PARP9: variants seen among roughly 807,000 people sequenced by gnomAD.
PARP9 encodes the protein poly(ADP-ribose) polymerase family member 9.
In PARP9, 48 loss-of-function variants were observed where a neutral mutation model predicts 68.8. The ratio of observed to expected loss-of-function variants is 0.70; its 90% confidence interval spans 0.55 to 0.89. The LOEUF (loss-of-function observed/expected upper bound fraction) is 0.89. PARP9 is among the 40% of genes least tolerant of loss of function. The pLI, the probability that PARP9 is intolerant of heterozygous loss-of-function variation, is 0.00. For missense variants in PARP9, 806 were observed against 969.3 expected, an observed-to-expected ratio of 0.83 and a Z score of 2.24; for synonymous variants, 309 against 333.8, an observed-to-expected ratio of 0.93 and a Z score of 0.81.
At chr3:122,557,306 C>T (rs1188807249) in intron 3 of PARP9, among the ~76,000 whole-genome samples, 1 of 117,758 alleles carries the variant, frequency 8.5e-6, no homozygotes, top group African/African-American at 2.8e-5. Flanking sequence ...GTAGGGGAGA[C>T]ATTGGACCAG....
chr3:122,529,604 A>T lies in PARP9; in HGVS notation c.2081-861T>A, dbSNP rs554327265. The stretch of plus-strand genomic sequence containing the variant: ...TCTCTACTAAAAAAAATACAAAAAA[A>T]TTAGCCGGGCGCAGTTGGGGGCGCC... On this transcript the variant is annotated intron_variant, in intron 10 of 10. Coordinates refer to ENST00000682323, the MANE Select transcript of PARP9 (RefSeq NM_001146105.2). Among the ~76,000 whole-genome samples, 508 of 151,788 alleles carry T rather than the reference A, an allele frequency of 3.3e-3. 6 individuals carry two copies. Among genetic ancestry groups the T allele is most frequent in the African/African-American group, 0.012 (488 of 41,390 alleles).
chr3:122,536,461 C>A, intron 9 of PARP9, 119 bp from the exon 10 acceptor site: 1 of 1,451,958 alleles, frequency 6.9e-7, no homozygotes, highest in South Asian at 1.5e-5. Context: ...GCATGCAATT[C>A]GCTTTTCATA....
intron 2 of PARP9, 86 bp from the exon 3 acceptor site, chr3:122,558,553 A>C: frequency 1.4e-6 from 2 of 1,479,176 alleles, no homozygotes; most frequent in Non-Finnish European, 1.9e-6. Flanking sequence ...AGTAAACACA[A>C]TGCAATGGAA....
At chr3:122,558,829 G>A (rs1442432065) in intron 2 of PARP9, among the ~76,000 whole-genome samples, 1 of 152,166 alleles carries the variant, frequency 6.6e-6, no homozygotes, top group Non-Finnish European at 1.5e-5. Context: ...TCCCATCTCA[G>A]TCTCCTGAAT....
chr3:122,536,619 T>G (rs1046497711), intron 9 of PARP9: 14 of 553,522 alleles, frequency 2.5e-5, no homozygotes, highest in African/African-American at 2.5e-4. Flanking sequence ...CATAGTTTAG[T>G]GAGATAGAAA....
At chr3:122,544,426 AC>A (rs2078524931) in intron 7 of PARP9, among the ~76,000 whole-genome samples, 1 of 152,206 alleles carries the variant, frequency 6.6e-6, no homozygotes, top group Non-Finnish European at 1.5e-5. Context: ...AGATAAATAA[AC>A]AGGATCATAA....
rs757965558 is a variant in PARP9 at position 122,555,576 on chromosome 3, C to T, written c.595G>A (p.Val199Ile). 1.9e-6 allele frequency: 3 copies of T among 1,614,182 alleles called. No homozygotes were observed. The highest frequency in any genetic ancestry group is 1.6e-4 in the Middle Eastern group (1 of 6,062). ...CCAGAGCTCAAGGCTGGAATTGCTA[C>T]TGTCTTAATGTGAGTATTTTTATAG... ...VIYKNTHIKT[V>I]AIPALSSGIF... is the part of the protein sequence containing the mutation. The change falls in exon 4 of 11, where the codon GTA (valine) becomes ATA (isoleucine). Residue 199 changes from valine (V) to isoleucine (I), a missense_variant. Val to Ile is a conservative substitution (Grantham distance 29). Coordinates refer to ENST00000682323, the MANE Select transcript of PARP9 (RefSeq NM_001146105.2).
rs753195242 is a variant in PARP9 at position 122,536,285 on chromosome 3, T to C, written c.1963A>G (p.Met655Val). ...MAAFQRKKKM[M>V]EEKLHRQPVS... ...GGTTGCCTGTGCAGTTTTTCTTCCA[T>C]CATTTTCTTCTTTCTTTGAAAGGCA... Residue 655 changes from methionine (M) to valine (V), a missense_variant, in exon 10 of 11, where the codon ATG (methionine) becomes GTG (valine). Transcript: ENST00000682323. 1.2e-6 allele frequency: 2 copies of C among 1,614,214 alleles called. No individual in the cohort carries two copies. The highest frequency in any genetic ancestry group is 1.7e-6 in the Non-Finnish European group (2 of 1,180,034).
At chr3:122,542,395 C>CATA (rs1169751111) in intron 7 of PARP9, among the ~76,000 whole-genome samples, 30 of 149,586 alleles carry the variant, frequency 2.0e-4, no homozygotes, top group African/African-American at 6.4e-4. Flanking sequence ...GGCCAATAAT[C>CATA]ATAATAATAA....
At chr3:122,561,136 G>C (rs1189980603) in intron 1 of PARP9, among the ~76,000 whole-genome samples, 1 of 152,152 alleles carries the variant, frequency 6.6e-6, no homozygotes, top group Non-Finnish European at 1.5e-5. Context: ...CTATAACCTG[G>C]CTCCCTGCCT....
At chr3:122,555,113 C>T (rs943196089) in intron 4 of PARP9, among the ~76,000 whole-genome samples, 173 bp downstream of exon 4, 1 of 152,170 alleles carries the variant, frequency 6.6e-6, no homozygotes, top group African/African-American at 2.4e-5. Flanking sequence ...AAATGGTCCT[C>T]CAACCTCAGG....
intron 3 of PARP9, among the ~76,000 whole-genome samples, chr3:122,557,857 G>T (rs1178708407): frequency 6.6e-6 from 1 of 152,046 alleles, no homozygotes; most frequent in East Asian, 1.9e-4. Flanking sequence ...CTAAACTGGG[G>T]CATACCATCA....
At position 122,536,916 on chromosome 3, in the gene PARP9, C is replaced by T. The variant is rs1448740493; in HGVS notation, c.1905+18G>A. On this transcript the variant is annotated intron_variant, in intron 9 of 10. Coordinates refer to ENST00000682323, the MANE Select transcript of PARP9 (RefSeq NM_001146105.2). ...TTAACAACAAAATGAGCCAAATCTT[C>T]CCCTTTGTTAGGTATACCTTTAGAA... 1 of 1,590,818 alleles carries T rather than the reference C, an allele frequency of 6.3e-7. No individual in the cohort carries two copies. The highest frequency in any genetic ancestry group is 8.5e-7 in the Non-Finnish European group (1 of 1,173,520).
At position 122,555,851 on chromosome 3, in the gene PARP9, T is replaced by G. The variant is rs1482200056; in HGVS notation, c.320A>C (p.Asp107Ala). ...GGCCAGGCCTCCCCCATGCAGAAGA[T>G]CTTCATTGGCTGCATTCACCACAGC... Reference protein sequence around the residue: ...VDAVVNAANEDLLHGGGLALA... With the variant: ...VDAVVNAANEALLHGGGLALA... Residue 107 changes from aspartate to alanine, a missense_variant, in exon 4 of 11, where the codon GAT becomes GCT. Coordinates refer to ENST00000682323, the MANE Select transcript of PARP9 (RefSeq NM_001146105.2). The G allele has an allele frequency of 3.1e-6, 5 of 1,613,902 alleles. No homozygotes were observed. Among genetic ancestry groups the G allele is most frequent in the Non-Finnish European group, 4.2e-6 (5 of 1,180,012 alleles).
In PARP9 at chr3:122,537,041, C is replaced by T; in HGVS notation, c.1798G>A (p.Asp600Asn). 2 of 1,613,626 alleles carry T rather than the reference C, an allele frequency of 1.2e-6. No homozygotes were observed. The highest frequency in any genetic ancestry group is 1.1e-5 in the South Asian group (1 of 91,020). Residue 600 changes from aspartate to asparagine, a missense_variant, in exon 9 of 11, where the codon GAC becomes AAC. Asp to Asn is a conservative substitution (Grantham distance 23). This residue lies in a region of PARP9 where 680 missense variants were observed against 858.8 expected (regional missense o/e 0.79). Coordinates refer to ENST00000682323, the MANE Select transcript of PARP9 (RefSeq NM_001146105.2). The stretch of plus-strand genomic sequence containing the variant: ...AATATGATATTTTCTTTCATTTCGT[C>T]TTGGGTTTTTTGTTGCTGAATAGTC... The part of the protein sequence containing the change: ...QWTIQQQKTQ[D>N]EMKENIIFLK...
rs1430660331 is a variant in PARP9, at chr3:122,555,790, T to C, written c.381A>G (p.Gln127=). The C allele has an allele frequency of 6.2e-7, 1 of 1,614,082 alleles. No homozygotes were observed. ...ALVKAGGFEI[Q]EESKQFVARY... ...TGGCAACAAACTGTTTGCTCTCTTC[T>C]TGGATTTCAAATCCACCAGCTTTTA... Residue 127 remains glutamine, a synonymous_variant, in exon 4 of 11, where the codon CAA becomes CAG. Transcript: ENST00000682323.
intron 3 of PARP9, among the ~76,000 whole-genome samples, chr3:122,557,910 G>A (rs373948086): frequency 4.6e-5 from 7 of 151,318 alleles, no homozygotes; most frequent in South Asian, 2.1e-4. Flanking sequence ...TTGTTAAAAT[G>A]TGAAAAAAAA....
At chr3:122,549,207 G>T (rs1428224466) in intron 6 of PARP9, among the ~76,000 whole-genome samples, 1 of 151,968 alleles carries the variant, frequency 6.6e-6, no homozygotes, top group East Asian at 1.9e-4. Context: ...GTAGAAACGG[G>T]ATTTCATCAT....
intron 10 of PARP9, among the ~76,000 whole-genome samples, chr3:122,529,476 C>T (rs1265737984): frequency 6.6e-6 from 1 of 151,866 alleles, no homozygotes; most frequent in Non-Finnish European, 1.5e-5. Context: ...TTCGGCCGGG[C>T]GCGGTGGCTC....
Sources: allele counts gnomAD v4.1 joint callset (sites outside exome capture counted in the v4.1 genomes callset), GRCh38; gene constraint gnomAD v4.1.1; regional missense constraint gnomAD v4.1.1; transcripts MANE v1.5; gene names NCBI Gene and HGNC (gene_info 2026-07-23, HGNC 2026-07-21).